The following SLIT2 variants were observed in gnomAD, a reference collection of about 807,000 sequenced individuals.
SLIT2 encodes slit homolog 2 protein.
SLIT2 carries 41 observed loss-of-function variants against 185.7 expected under a neutral mutation model. The observed-to-expected ratio is 0.22, with a 90% CI of 0.17 to 0.29. The LOEUF is 0.29. Ranked by LOEUF, SLIT2 falls within the 10% of genes least tolerant of loss-of-function variation. The pLI is 1.00. For synonymous variants in SLIT2, 693 were observed against 680.2 expected (o/e 1.02, Z -0.29); for missense variants, 1,571 against 1,909.0 (o/e 0.82, Z 3.30).
intron 4 of SLIT2, among the ~76,000 whole-genome samples, chr4:20,312,771 CAAAAAAAAAAAAAA>C (rs34372893): frequency 9.8e-6 from 1 of 102,168 alleles, no homozygotes; most frequent in South Asian, 3.1e-4. Flanking sequence ...GACTTTGTCT[CAAAAAAAAAAAAAA>C]AAAAAAAAGA....
chr4:20,465,751 A>G (rs1193396449), intron 4 of SLIT2, among the ~76,000 whole-genome samples: 1 of 152,088 alleles, frequency 6.6e-6, no homozygotes, highest in African/African-American at 2.4e-5. Context: ...TCTACAAACC[A>G]CCTAAAATCA....
intron 4 of SLIT2, among the ~76,000 whole-genome samples, chr4:20,436,262 C>G (rs952186755): frequency 6.6e-6 from 1 of 152,232 alleles, no homozygotes; most frequent in Non-Finnish European, 1.5e-5. Flanking sequence ...CACACTACCT[C>G]TTTAAACATA....
intron 5 of SLIT2, among the ~76,000 whole-genome samples, chr4:20,471,790 T>C (rs1288602305): frequency 6.6e-6 from 1 of 152,148 alleles, no homozygotes; most frequent in Non-Finnish European, 1.5e-5. Context: ...CAGATCTCAT[T>C]CCCCTTCCTC....
chr4:20,458,981 A>T (rs1577695538), intron 4 of SLIT2, among the ~76,000 whole-genome samples: 1 of 152,346 alleles, frequency 6.6e-6, no homozygotes, highest in East Asian at 1.9e-4. Flanking sequence ...GGAATTTTAC[A>T]GTTATTGTCA....
intron 4 of SLIT2, among the ~76,000 whole-genome samples, chr4:20,314,616 C>T (rs1718408132): frequency 6.6e-6 from 1 of 151,838 alleles, no homozygotes. Flanking sequence ...ATTCTTGGCT[C>T]ACAATATATT....
At chr4:20,593,393 G>A (rs545194596) in intron 30 of SLIT2, among the ~76,000 whole-genome samples, 15 of 152,058 alleles carry the variant, frequency 9.9e-5, no homozygotes, top group African/African-American at 3.4e-4. Context: ...GACAAATACC[G>A]GATGATCTCA....
chr4:20,388,369 A>G (rs1725098697), intron 4 of SLIT2, among the ~76,000 whole-genome samples: 1 of 152,212 alleles, frequency 6.6e-6, no homozygotes, highest in Non-Finnish European at 1.5e-5. Flanking sequence ...AAATAAGCCA[A>G]GGAAACTCAA....
At chr4:20,613,484 A>G (rs891688491) in intron 34 of SLIT2, among the ~76,000 whole-genome samples, 4 of 152,170 alleles carry the variant, frequency 2.6e-5, no homozygotes, top group African/African-American at 9.7e-5. Context: ...AGAGGGGAAC[A>G]ACACACACTG....
At chr4:20,482,153 T>G (rs557239024) in intron 6 of SLIT2, among the ~76,000 whole-genome samples, 1 of 152,124 alleles carries the variant, frequency 6.6e-6, no homozygotes, top group Non-Finnish European at 1.5e-5. Flanking sequence ...GTCACTAAAA[T>G]TCATAGATGA....
chr4:20,422,416 C>T (rs1213451913), intron 4 of SLIT2, among the ~76,000 whole-genome samples: 16 of 152,064 alleles, frequency 1.1e-4, no homozygotes, highest in Non-Finnish European at 8.8e-5. Context: ...TACATTTTTA[C>T]TCAGTTTCAT....
In SLIT2 at chr4:20,252,133, C is replaced by T. The variant is rs1722092438; in HGVS notation, c.-1683C>T. Among the ~76,000 whole-genome samples, 1 of 149,122 alleles carries T rather than the reference C, an allele frequency of 6.7e-6. No homozygotes were observed. The highest frequency in any genetic ancestry group is 2.0e-4 in the East Asian group (1 of 5,116). On this transcript the variant is annotated 5_prime_UTR_variant, in exon 1 of 37. Coordinates refer to ENST00000504154, the MANE Select transcript of SLIT2 (RefSeq NM_004787.4). ...GAGCAGAAAGGGGAGCGCCGGGGGC[C>T]CGCAGCCGGCTCCGGAGGCGCGGGC...
chr4:20,402,283 A>G (rs971432985), intron 4 of SLIT2, among the ~76,000 whole-genome samples: 7 of 151,906 alleles, frequency 4.6e-5, no homozygotes, highest in African/African-American at 1.7e-4. Context: ...TTTTCAGTGC[A>G]CCTAAGAAAA....
chr4:20,270,740 C>A (rs2109032276), intron 4 of SLIT2, among the ~76,000 whole-genome samples: 1 of 152,056 alleles, frequency 6.6e-6, no homozygotes, highest in East Asian at 1.9e-4. Flanking sequence ...GATGGCCTAG[C>A]ACTCAATATT....
At chr4:20,278,825 A>T (rs1004153378) in intron 4 of SLIT2, among the ~76,000 whole-genome samples, 1 of 33,246 alleles carries the variant, frequency 3.0e-5, no homozygotes, top group Admixed American at 3.4e-4. Flanking sequence ...CGGTGGGGGG[A>T]GGGCGTGTGG....
At chr4:20,409,108 G>A (rs1727002207) in intron 4 of SLIT2, among the ~76,000 whole-genome samples, 1 of 152,108 alleles carries the variant, frequency 6.6e-6, no homozygotes, top group Non-Finnish European at 1.5e-5. Flanking sequence ...CCATGTGCAG[G>A]ATGTGCAGGT....
intron 4 of SLIT2, among the ~76,000 whole-genome samples, chr4:20,288,904 A>G (rs896495353): frequency 2.0e-5 from 3 of 152,236 alleles, no homozygotes; most frequent in Admixed American, 6.5e-5. Flanking sequence ...AAAAGAGAGC[A>G]TAGGAGATAT....
intron 4 of SLIT2, among the ~76,000 whole-genome samples, chr4:20,431,844 CG>C (rs1289947843): frequency 6.6e-6 from 1 of 152,128 alleles, no homozygotes; most frequent in African/African-American, 2.4e-5. Context: ...AGCTCCTGGC[CG>C]GGGCCAGGGT....
At chr4:20,266,728 G>C (rs1713069609) in intron 3 of SLIT2, among the ~76,000 whole-genome samples, 1 of 151,970 alleles carries the variant, frequency 6.6e-6, no homozygotes, top group Admixed American at 6.6e-5. Flanking sequence ...TCACAGTCTA[G>C]TGGGAAAGAG....
At chr4:20,383,609 A>G (rs1724704161) in intron 4 of SLIT2, among the ~76,000 whole-genome samples, 1 of 152,168 alleles carries the variant, frequency 6.6e-6, no homozygotes, top group Non-Finnish European at 1.5e-5. Flanking sequence ...CTCACATATC[A>G]CTAAGGGGAG....
Sources: gnomAD v4.1 joint callset for allele counts (sites outside exome capture counted in the v4.1 genomes callset) on GRCh38, gnomAD v4.1.1 for gene constraint, MANE v1.5 for transcripts, NCBI Gene and HGNC (gene_info 2026-07-23, HGNC 2026-07-21) for gene names.